The following HS3ST4 variants were observed in gnomAD, a reference collection of about 807,000 sequenced individuals.
HS3ST4 encodes the protein heparan sulfate glucosamine 3-O-sulfotransferase 4.
Under a neutral mutation model 29.2 loss-of-function variants are expected in HS3ST4, and 17 were observed. That is an observed-to-expected ratio of 0.58 (90% confidence interval 0.40 to 0.87). HS3ST4 has a LOEUF of 0.87. Ranked by LOEUF, HS3ST4 falls within the 40% of genes least tolerant of loss-of-function variation. HS3ST4 has a pLI of 0.00. For synonymous variants in HS3ST4, 314 were observed against 285.7 expected (o/e 1.10, Z -1.00); for missense variants, 627 against 634.5 (o/e 0.99, Z 0.13).
At chr16:26,010,416 T>C (rs1395689029) in intron 1 of HS3ST4, among the ~76,000 whole-genome samples, 1 of 151,092 alleles carries the variant, frequency 6.6e-6, no homozygotes, top group Admixed American at 6.6e-5. Flanking sequence ...ATCACGCCGC[T>C]GCACTCTAGC....
At chr16:25,885,393 A>G (rs984050871) in intron 1 of HS3ST4, among the ~76,000 whole-genome samples, 8 of 152,182 alleles carry the variant, frequency 5.3e-5, no homozygotes, top group African/African-American at 1.9e-4. Context: ...AGTTCATGTT[A>G]TTACCTGGTT....
chr16:25,716,782 G>A (rs138526990), intron 1 of HS3ST4, among the ~76,000 whole-genome samples: 40 of 152,276 alleles, frequency 2.6e-4, no homozygotes, highest in South Asian at 6.2e-4. Flanking sequence ...GGTCAGACGC[G>A]GTGGCTCACG....
intron 1 of HS3ST4, among the ~76,000 whole-genome samples, chr16:25,966,518 A>G (rs933449933): frequency 6.6e-5 from 10 of 152,114 alleles, no homozygotes; most frequent in Non-Finnish European, 1.2e-4. Flanking sequence ...ATTGCTTGCC[A>G]CTGGATTCCT....
At chr16:26,025,359 G>A (rs114543669) in intron 1 of HS3ST4, 1,812 of 154,356 alleles carry the variant, frequency 0.012, 31 homozygotes, top group African/African-American at 0.041. Context: ...ATCTATTACC[G>A]TTTCATTCGT....
intron 1 of HS3ST4, among the ~76,000 whole-genome samples, chr16:25,705,736 A>AT (rs1275985479): frequency 1.3e-5 from 2 of 152,152 alleles, no homozygotes; most frequent in Non-Finnish European, 2.9e-5. Flanking sequence ...GAAATTAAGG[A>AT]TTTGAGTCTG....
chr16:25,815,096 A>G (rs754175685), intron 1 of HS3ST4, among the ~76,000 whole-genome samples: 9 of 152,212 alleles, frequency 5.9e-5, no homozygotes, highest in Non-Finnish European at 1.3e-4. Context: ...CAGAAAGCAA[A>G]TCTGAACAGC....
intron 1 of HS3ST4, among the ~76,000 whole-genome samples, chr16:25,963,674 G>A (rs1968815820): frequency 6.6e-6 from 1 of 152,218 alleles, no homozygotes; most frequent in Admixed American, 6.5e-5. Context: ...TAATGTTGGA[G>A]GCAAACGTTC....
At chr16:26,084,044 T>C (rs1898755912) in intron 1 of HS3ST4, among the ~76,000 whole-genome samples, 2 of 152,126 alleles carry the variant, frequency 1.3e-5, no homozygotes, top group Admixed American at 6.6e-5. Context: ...AATCTCGTGG[T>C]GAGATGGAAG....
chr16:25,732,439 C>A (rs1393965381), intron 1 of HS3ST4, among the ~76,000 whole-genome samples: 2 of 152,178 alleles, frequency 1.3e-5, no homozygotes, highest in Non-Finnish European at 2.9e-5. Flanking sequence ...TGTAGCTCTA[C>A]CACCAAACAA....
intron 1 of HS3ST4, among the ~76,000 whole-genome samples, chr16:25,942,011 A>G (rs1176119513): frequency 6.6e-6 from 1 of 152,216 alleles, no homozygotes; most frequent in Admixed American, 6.5e-5. Flanking sequence ...ATGACTCAAC[A>G]AAGGAACAAC....
intron 1 of HS3ST4, among the ~76,000 whole-genome samples, chr16:25,845,407 G>A (rs187144773): frequency 1.4e-4 from 21 of 152,204 alleles, no homozygotes; most frequent in African/African-American, 5.1e-4. Flanking sequence ...TATTCTGGAG[G>A]CCGAGGCAGG....
chr16:25,877,281 A>G (rs1967841920), intron 1 of HS3ST4, among the ~76,000 whole-genome samples: 1 of 152,106 alleles, frequency 6.6e-6, no homozygotes, highest in African/African-American at 2.4e-5. Context: ...TTCAGATACA[A>G]TAAAATTAAG....
At chr16:26,119,539 G>A (rs1596688001) in intron 1 of HS3ST4, among the ~76,000 whole-genome samples, 1 of 152,114 alleles carries the variant, frequency 6.6e-6, no homozygotes, top group African/African-American at 2.4e-5. Context: ...TGAGGTTAGG[G>A]AGCCTGGAGT....
chr16:25,968,025 G>A (rs12921342), intron 1 of HS3ST4, among the ~76,000 whole-genome samples: 33,207 of 152,114 alleles, frequency 0.22, 4,466 homozygotes, highest in Non-Finnish European at 0.31. Context: ...GTTGTCATGG[G>A]GGAGAGGGAT....
At chr16:25,987,592 T>C (rs922895679) in intron 1 of HS3ST4, among the ~76,000 whole-genome samples, 9 of 152,140 alleles carry the variant, frequency 5.9e-5, no homozygotes, top group African/African-American at 2.2e-4. Flanking sequence ...GCTGGCCACA[T>C]GCATTCCTGT....
chr16:26,026,213 A>C (rs1470127122), intron 1 of HS3ST4, among the ~76,000 whole-genome samples: 1 of 152,126 alleles, frequency 6.6e-6, no homozygotes, highest in Non-Finnish European at 1.5e-5. Flanking sequence ...GGCCGGAAAC[A>C]ACATCGTTTT....
intron 1 of HS3ST4, among the ~76,000 whole-genome samples, chr16:25,857,899 TCTTCCTTCCTTCCTTC>T (rs370477899): frequency 3.2e-5 from 3 of 93,716 alleles, no homozygotes; most frequent in South Asian, 4.0e-4. Flanking sequence ...TCTTTTTCTT[TCTTCCTTCCTTCCTTC>T]CTTCCTTTCT....
At chr16:25,831,934 T>C (rs957427917) in intron 1 of HS3ST4, among the ~76,000 whole-genome samples, 2 of 152,028 alleles carry the variant, frequency 1.3e-5, no homozygotes, top group African/African-American at 4.8e-5. Flanking sequence ...AGGGAGACTA[T>C]GACTCTACAA....
chr16:26,097,335 C>A (rs1898937704), intron 1 of HS3ST4, among the ~76,000 whole-genome samples: 1 of 152,192 alleles, frequency 6.6e-6, no homozygotes, highest in African/African-American at 2.4e-5. Context: ...TCAAACTATA[C>A]TACAAGGCTA....
Sources: allele counts gnomAD v4.1 joint callset (sites outside exome capture counted in the v4.1 genomes callset), GRCh38; gene constraint gnomAD v4.1.1; transcripts MANE v1.5; gene names NCBI Gene and HGNC (gene_info 2026-07-23, HGNC 2026-07-21).